The following ZNF765 variants were observed in gnomAD, a reference collection of about 807,000 sequenced individuals.
ZNF765 encodes zinc finger protein 765.
Under a neutral mutation model 44.7 loss-of-function variants are expected in ZNF765, and 37 were observed. That is an observed-to-expected ratio of 0.83 (90% CI 0.64 to 1.09). The LOEUF (loss-of-function observed/expected upper bound fraction) is 1.09, where lower values mean the gene tolerates loss of function less well. Ranked by LOEUF, ZNF765 falls within the 50% of genes least tolerant of loss-of-function variation. ZNF765 has a pLI of 0.00. For synonymous variants in ZNF765, 201 were observed against 213.7 expected (o/e 0.94, Z 0.52); for missense variants, 594 against 626.1 (o/e 0.95, Z 0.55).
Position 53,409,222 on chromosome 19 carries a change from A to G in ZNF765, c.*95A>G. The G allele has an allele frequency of 8.0e-7, 1 of 1,250,728 alleles. No individual in the cohort carries two copies. Among genetic ancestry groups the G allele is most frequent in the Non-Finnish European group, 1.2e-6 (1 of 854,196 alleles). 77.5% of individuals were successfully genotyped at this position (1,250,728 alleles called of 1,614,324 possible). On this transcript the variant is annotated 3_prime_UTR_variant, in exon 4 of 4. Transcript: ENST00000396408. ...ACCTTACAAATATGAAGAACTTGAC[A>G]AAGCTTACAATTTCAAATCAAACCT... is the stretch of plus-strand genomic sequence containing the variant.
chr19:53,414,490 C>CACACACACACA (rs1568786145), downstream of ZNF765, among the ~76,000 whole-genome samples: 21 of 17,232 alleles, frequency 1.2e-3, no homozygotes, highest in African/African-American at 2.3e-3. Context: ...CACACACACA[C>CACACACACACA]CCCCCCCCCC....
rs559026253 is a variant in ZNF765, at chr19:53,396,795, A to C, written c.-73-1148A>C. On this transcript the variant is annotated intron_variant, in intron 1 of 3. Coordinates refer to ENST00000396408, the MANE Select transcript of ZNF765 (RefSeq NM_001040185.3). ...TATTGATTTTTTAAATTTCTGCCTC[A>C]GTTTTCTCCCTTTGCTGCTTTTTAT... 3.9e-5 allele frequency among the ~76,000 whole-genome samples: 6 copies of C among 152,300 alleles called. No homozygotes were observed. The South Asian group carries it at 1.2e-3, about 32-fold the overall frequency.
At position 53,407,725 on chromosome 19, in the gene ZNF765, A is replaced by T; in HGVS notation, c.170A>T (p.Glu57Val). 5 of 1,562,066 alleles carry T rather than the reference A, an allele frequency of 3.2e-6. No individual in the cohort carries two copies. The highest frequency in any genetic ancestry group is 4.3e-6 in the Non-Finnish European group (5 of 1,156,702). ...ATCTCTTCCAAATGCATGATGAAGGAGTTCTCGTCAACAGCACAAGGCAAT... is the reference window on the plus strand; with the variant it reads ...ATCTCTTCCAAATGCATGATGAAGGTGTTCTCGTCAACAGCACAAGGCAAT... The part of the protein sequence containing the change: ...LDISSKCMMK[E>V]FSSTAQGNRE... Residue 57 changes from glutamate to valine, a missense_variant, in exon 4 of 4, where the codon GAG becomes GTG. Transcript: ENST00000396408.
downstream of ZNF765, among the ~76,000 whole-genome samples, chr19:53,413,539 T>TA (rs200542078): frequency 0.02 from 3,016 of 150,292 alleles, 58 homozygotes; most frequent in East Asian, 0.11. Context: ...GCTTTTCATT[T>TA]AAAAAAAAAG....
intron 3 of ZNF765, among the ~76,000 whole-genome samples, chr19:53,419,916 GGAT>G (rs2085897414): frequency 6.6e-6 from 1 of 152,094 alleles, no homozygotes; most frequent in Non-Finnish European, 1.5e-5. Flanking sequence ...CTAGTTGAGA[GGAT>G]GAAGCAGGGA....
chr19:53,407,403 C>T (rs573683384), intron 3 of ZNF765, among the ~76,000 whole-genome samples: 93 of 152,210 alleles, frequency 6.1e-4, no homozygotes, highest in African/African-American at 2.1e-3. Flanking sequence ...TTTTTACAAA[C>T]TGTTAGACAC....
intron 3 of ZNF765, 36 bp downstream of exon 3, chr19:53,402,227 C>G (rs766561713): frequency 1.2e-5 from 18 of 1,510,494 alleles, no homozygotes; most frequent in Non-Finnish European, 1.5e-5. Flanking sequence ...TGTGCCCTTG[C>G]GTATCTTTGT....
At chr19:53,404,943 C>T (rs1287968181) in intron 3 of ZNF765, among the ~76,000 whole-genome samples, 7 of 152,160 alleles carry the variant, frequency 4.6e-5, no homozygotes, top group Non-Finnish European at 2.9e-5. Flanking sequence ...ACTGGCCACC[C>T]GAGGTGGCTC....
intron 2 of ZNF765, among the ~76,000 whole-genome samples, chr19:53,400,101 C>G (rs981895210): frequency 6.6e-6 from 1 of 152,134 alleles, no homozygotes; most frequent in African/African-American, 2.4e-5. Context: ...CATGAGCCAC[C>G]GCATCTGGCC....
Position 53,407,906 on chromosome 19 carries a change from A to C in ZNF765, c.351A>C (p.Lys117Asn). 4 of 1,613,884 alleles carry C rather than the reference A, an allele frequency of 2.5e-6. No individual in the cohort carries two copies. The highest frequency in any genetic ancestry group is 3.4e-6 in the Non-Finnish European group (4 of 1,179,918). ...ATGAAGCACTCATGACAAAAATCAA[A>C]AAGTTGACAGGTAGTACAGAGCGAT... ...NGHEALMTKI[K>N]KLTGSTERYD... Residue 117 changes from lysine (K) to asparagine (N), a missense_variant, in exon 4 of 4, where the codon AAA (lysine) becomes AAC (asparagine). Around this residue, in one of 2 missense-constraint regions of ZNF765, gnomAD observed 567 missense variants for 572.6 expected, o/e 0.99. Transcript: ENST00000396408.
chr19:53,401,823 C>T (rs2085728826), intron 2 of ZNF765: 2 of 1,000,832 alleles, frequency 2.0e-6, no homozygotes, highest in Non-Finnish European at 3.0e-6. Flanking sequence ...TTGCATTGAG[C>T]AGAGACTGTG....
At chr19:53,403,045 C>T (rs907999452) in intron 3 of ZNF765, among the ~76,000 whole-genome samples, 4 of 151,978 alleles carry the variant, frequency 2.6e-5, no homozygotes, top group South Asian at 2.1e-4. Flanking sequence ...TGTGGTGGCA[C>T]GTGCCTGTAA....
intron 2 of ZNF765, chr19:53,401,797 T>C (rs564679530): frequency 1.3e-6 from 1 of 764,396 alleles, no homozygotes; most frequent in Admixed American, 2.4e-5. Flanking sequence ...AATCGTTTGA[T>C]CCTGGGACTT....
chr19:53,416,861 A>G (rs186380256), downstream of ZNF765, among the ~76,000 whole-genome samples: 925 of 151,030 alleles, frequency 6.1e-3, 3 homozygotes, highest in Non-Finnish European at 8.0e-3. Context: ...TCTGTAGCCC[A>G]GGCTGGGGAG....
At chr19:53,399,498 A>G (rs2085701945) in intron 2 of ZNF765, among the ~76,000 whole-genome samples, 1 of 151,722 alleles carries the variant, frequency 6.6e-6, no homozygotes, top group Non-Finnish European at 1.5e-5. Context: ...AAATTATTCA[A>G]TAAATTGAAA....
chr19:53,413,116 G>GA (rs71304183), downstream of ZNF765: 219,028 of 338,806 alleles, frequency 0.65, 57,206 homozygotes, highest in Admixed American at 0.72. Flanking sequence ...GTCTCAAAAA[G>GA]AAAAAAAAAA....
chr19:53,396,080 A>C (rs1295747354), intron 1 of ZNF765, among the ~76,000 whole-genome samples: 1 of 151,950 alleles, frequency 6.6e-6, no homozygotes, highest in Non-Finnish European at 1.5e-5. Flanking sequence ...GACAGAGAGC[A>C]AGGTAGGGAG....
chr19:53,403,851 AAAACAAC>A (rs1568777715), intron 3 of ZNF765, among the ~76,000 whole-genome samples: 1 of 151,970 alleles, frequency 6.6e-6, no homozygotes, highest in African/African-American at 2.4e-5. Context: ...CAAAAAAAAA[AAAACAAC>A]AACAACAAAA....
intron 3 of ZNF765, among the ~76,000 whole-genome samples, chr19:53,419,076 G>C (rs1025409082): frequency 2.0e-5 from 3 of 152,122 alleles, no homozygotes; most frequent in Non-Finnish European, 2.9e-5. Context: ...CCCTATACCA[G>C]TCCCTGATAG....
Sources: allele counts gnomAD v4.1 joint callset (sites outside exome capture counted in the v4.1 genomes callset), GRCh38; gene constraint gnomAD v4.1.1; regional missense constraint gnomAD v4.1.1; transcripts MANE v1.5; gene names NCBI Gene and HGNC (gene_info 2026-07-23, HGNC 2026-07-21).